PPP3CA: variants seen among roughly 807,000 people sequenced by gnomAD.
PPP3CA encodes protein phosphatase 3 catalytic subunit alpha, also known as CAM-PRP catalytic subunit.
PPP3CA carries 14 observed loss-of-function variants against 66.5 expected under a neutral mutation model. The ratio of observed to expected loss-of-function variants is 0.21; its 90% confidence interval spans 0.14 to 0.33. PPP3CA has a LOEUF of 0.33. Among genes scored for constraint, PPP3CA ranks in the 10% least tolerant of loss-of-function variants. The pLI is 1.00. For missense variants in PPP3CA, 317 were observed against 639.5 expected (o/e 0.50, Z 5.44); for synonymous variants, 232 against 226.2 (o/e 1.03, Z -0.23).
At chr4:101,164,817 T>C (rs995262295) in intron 2 of PPP3CA, among the ~76,000 whole-genome samples, 2 of 152,026 alleles carry the variant, frequency 1.3e-5, no homozygotes, top group Admixed American at 6.6e-5. Context: ...ATAGCATCTA[T>C]CATAATTAAA....
chr4:101,220,772 G>T (rs1725600987), intron 1 of PPP3CA, among the ~76,000 whole-genome samples: 1 of 151,484 alleles, frequency 6.6e-6, no homozygotes, highest in African/African-American at 2.4e-5. Context: ...ACACACAAAG[G>T]TTTATTCATT....
At chr4:101,170,080 G>A (rs1165479329) in intron 2 of PPP3CA, among the ~76,000 whole-genome samples, 3 of 151,996 alleles carry the variant, frequency 2.0e-5, no homozygotes, top group Non-Finnish European at 4.4e-5. Flanking sequence ...GATCTTAAAC[G>A]TGGTCCAATT....
intron 1 of PPP3CA, among the ~76,000 whole-genome samples, chr4:101,212,225 C>G (rs147725444): frequency 9.8e-4 from 149 of 152,218 alleles, no homozygotes; most frequent in African/African-American, 3.5e-3. Context: ...TAAGTAAATG[C>G]TTATACCATC....
At chr4:101,206,036 A>G (rs1007349599) in intron 1 of PPP3CA, among the ~76,000 whole-genome samples, 4 of 152,294 alleles carry the variant, frequency 2.6e-5, no homozygotes, top group Admixed American at 2.0e-4. Context: ...GCTCTAGAGC[A>G]GGCTGCAGCA....
intron 2 of PPP3CA, among the ~76,000 whole-genome samples, chr4:101,116,255 T>A (rs1246934827): frequency 6.6e-6 from 1 of 151,912 alleles, no homozygotes; most frequent in Non-Finnish European, 1.5e-5. Flanking sequence ...TTGGAGTTCC[T>A]CACTACTTTC....
intron 3 of PPP3CA, among the ~76,000 whole-genome samples, chr4:101,103,944 T>C (rs1730550418): frequency 6.6e-6 from 1 of 152,174 alleles, no homozygotes; most frequent in Non-Finnish European, 1.5e-5. Context: ...AAAACAAAAT[T>C]ACCTCTTTCA....
intron 1 of PPP3CA, among the ~76,000 whole-genome samples, chr4:101,257,905 A>T (rs1194285585): frequency 2.0e-5 from 3 of 152,132 alleles, no homozygotes; most frequent in Non-Finnish European, 2.9e-5. Context: ...TTCTCTTAAA[A>T]CCATGTTAGC....
At chr4:101,031,525 T>C (rs968407923) in intron 12 of PPP3CA, among the ~76,000 whole-genome samples, 1 of 152,146 alleles carries the variant, frequency 6.6e-6, no homozygotes, top group South Asian at 2.1e-4. Context: ...TTTAATTAAA[T>C]TTAATATAAA....
chr4:101,132,881 C>T (rs1368055171), intron 2 of PPP3CA, among the ~76,000 whole-genome samples: 3 of 152,160 alleles, frequency 2.0e-5, no homozygotes, highest in Non-Finnish European at 2.9e-5. Flanking sequence ...TACAGCAGCA[C>T]ATCAAAAAGC....
chr4:101,145,635 G>A (rs1352256945), intron 2 of PPP3CA, among the ~76,000 whole-genome samples: 1 of 152,038 alleles, frequency 6.6e-6, no homozygotes, highest in Non-Finnish European at 1.5e-5. Flanking sequence ...GCTAAGAAGG[G>A]TAGTTGGGGG....
intron 1 of PPP3CA, among the ~76,000 whole-genome samples, chr4:101,294,694 C>A (rs1020611371): frequency 6.6e-6 from 1 of 151,972 alleles, no homozygotes; most frequent in African/African-American, 2.4e-5. Context: ...GCATTATTTA[C>A]ACTTTGGGCT....
chr4:101,342,408 T>A (rs1729845561), intron 1 of PPP3CA, among the ~76,000 whole-genome samples: 1 of 152,156 alleles, frequency 6.6e-6, no homozygotes, highest in Non-Finnish European at 1.5e-5. Context: ...TTGTGTTATA[T>A]TCACTTTATA....
At chr4:101,174,102 G>A (rs551197308) in intron 2 of PPP3CA, among the ~76,000 whole-genome samples, 12 of 148,372 alleles carry the variant, frequency 8.1e-5, no homozygotes, top group Admixed American at 3.4e-4. Context: ...CCCCCACCCC[G>A]CCAGAAAAAC....
chr4:101,277,262 C>T, intron 1 of PPP3CA, among the ~76,000 whole-genome samples: 1 of 152,190 alleles, frequency 6.6e-6, no homozygotes, highest in East Asian at 1.9e-4. Context: ...TGAATAATAC[C>T]TCATCATATG....
chr4:101,317,636 C>T lies in PPP3CA; in HGVS notation c.58+29103G>A, dbSNP rs559043794. On this transcript the variant is annotated intron_variant, in intron 1 of 13. Coordinates refer to ENST00000394854, the MANE Select transcript of PPP3CA (RefSeq NM_000944.5). ...ATTACTTGTCATACCAAAAACTACTCGGCTACTGACAATACTATTTTTCCA... is the reference window on the plus strand; with the variant it reads ...ATTACTTGTCATACCAAAAACTACTTGGCTACTGACAATACTATTTTTCCA... 2.6e-5 allele frequency among the ~76,000 whole-genome samples: 4 copies of T among 152,296 alleles called. No individual in the cohort carries two copies. The South Asian group carries it at 8.3e-4, about 32-fold the overall frequency.
At chr4:101,257,089 G>A (rs72919785) in intron 1 of PPP3CA, among the ~76,000 whole-genome samples, 5,763 of 151,960 alleles carry the variant, frequency 0.038, 350 homozygotes, top group African/African-American at 0.13. Flanking sequence ...GTCACTTAAC[G>A]TTTCTGAGAC....
At chr4:101,122,574 AC>A (rs1184520124) in intron 2 of PPP3CA, among the ~76,000 whole-genome samples, 1 of 152,202 alleles carries the variant, frequency 6.6e-6, no homozygotes. Flanking sequence ...AGAAGACTTA[AC>A]CAAAAAGAAG....
intron 2 of PPP3CA, among the ~76,000 whole-genome samples, chr4:101,181,348 C>T (rs780235224): frequency 2.1e-4 from 32 of 151,956 alleles, no homozygotes; most frequent in Non-Finnish European, 4.3e-4. Context: ...ATATCAAATA[C>T]TCAATACTCT....
At chr4:101,171,231 A>T (rs1329561264) in intron 2 of PPP3CA, 3 of 455,980 alleles carry the variant, frequency 6.6e-6, no homozygotes, top group Non-Finnish European at 1.3e-5. Flanking sequence ...GAGCTTCTGA[A>T]AAGCAGAGCT....
Sources: allele counts gnomAD v4.1 joint callset (sites outside exome capture counted in the v4.1 genomes callset), GRCh38; gene constraint gnomAD v4.1.1; transcripts MANE v1.5; gene names NCBI Gene and HGNC (gene_info 2026-07-23, HGNC 2026-07-21).